SLIT2: variants seen among roughly 807,000 people sequenced by gnomAD.
SLIT2 encodes slit homolog 2 protein.
SLIT2 carries 41 observed loss-of-function variants against 185.7 expected under a neutral mutation model. The ratio of observed to expected loss-of-function variants is 0.22; its 90% CI spans 0.17 to 0.29. The LOEUF is 0.29. SLIT2 is among the 10% of genes least tolerant of loss of function. SLIT2 has a pLI of 1.00. For missense variants in SLIT2, 1,571 were observed against 1,909.0 expected (o/e 0.82, Z 3.30); for synonymous variants, 693 against 680.2 (o/e 1.02, Z -0.29).
chr4:20,403,831 C>G (rs562365693), intron 4 of SLIT2, among the ~76,000 whole-genome samples: 1 of 150,656 alleles, frequency 6.6e-6, no homozygotes, highest in South Asian at 2.1e-4. Flanking sequence ...GAGCAGTTTT[C>G]TGTTTTATAA....
chr4:20,314,513 C>T (rs1203847077), intron 4 of SLIT2, among the ~76,000 whole-genome samples: 2 of 152,076 alleles, frequency 1.3e-5, no homozygotes, highest in Non-Finnish European at 2.9e-5. Flanking sequence ...CTGTCCTTGT[C>T]GAGCTTAGTA....
At chr4:20,583,442 A>G (rs1726767985) in intron 29 of SLIT2, among the ~76,000 whole-genome samples, 1 of 152,204 alleles carries the variant, frequency 6.6e-6, no homozygotes, top group Non-Finnish European at 1.5e-5. Context: ...AAAGATAACA[A>G]GATACTAGGA....
At chr4:20,550,763 A>G in intron 24 of SLIT2, 64 bp from the exon 25 acceptor site, 1 of 969,246 alleles carries the variant, frequency 1.0e-6, no homozygotes, top group Non-Finnish European at 1.6e-6. Flanking sequence ...AAGTCTCGGA[A>G]TTTCTCTGGA....
Position 20,252,586 on chromosome 4 carries a change from G to A in SLIT2, c.-1230G>A, listed in dbSNP as rs1487499584. Among the ~76,000 whole-genome samples the A allele has an allele frequency of 6.6e-6, 1 of 152,208 alleles. No individual in the cohort carries two copies. Among genetic ancestry groups the A allele is most frequent in the Non-Finnish European group, 1.5e-5 (1 of 68,026 alleles). On this transcript the variant is annotated 5_prime_UTR_variant, in exon 1 of 37. Coordinates refer to ENST00000504154, the MANE Select transcript of SLIT2 (RefSeq NM_004787.4). ...GAACCACTAGTGGGAGACCGCCGGG[G>A]GCCGGCCGTGGCTCTGCGCCCTCCG...
intron 4 of SLIT2, among the ~76,000 whole-genome samples, chr4:20,337,414 G>T (rs1720596643): frequency 6.6e-6 from 1 of 151,640 alleles, no homozygotes; most frequent in East Asian, 1.9e-4. Flanking sequence ...ACCTCCCACT[G>T]GGTGCCTCCC....
intron 18 of SLIT2, among the ~76,000 whole-genome samples, chr4:20,536,059 A>G (rs1272204983): frequency 2.0e-5 from 3 of 152,200 alleles, no homozygotes; most frequent in Non-Finnish European, 4.4e-5. Flanking sequence ...AACACAATGT[A>G]AAGTATTTGT....
At chr4:20,613,002 A>G (rs1729355951) in intron 34 of SLIT2, among the ~76,000 whole-genome samples, 1 of 152,082 alleles carries the variant, frequency 6.6e-6, no homozygotes, top group Non-Finnish European at 1.5e-5. Context: ...GTCAAAAAAT[A>G]ACAGCTGCTG....
intron 5 of SLIT2, among the ~76,000 whole-genome samples, chr4:20,471,866 G>C (rs1263326570): frequency 6.6e-6 from 1 of 151,882 alleles, no homozygotes; most frequent in Non-Finnish European, 1.5e-5. Context: ...ACATCTCCAG[G>C]GAGGACTTCC....
At chr4:20,264,589 AGCT>A (rs1389893149) in intron 3 of SLIT2, among the ~76,000 whole-genome samples, 1 of 151,932 alleles carries the variant, frequency 6.6e-6, no homozygotes, top group African/African-American at 2.4e-5. Context: ...TCATAGACAC[AGCT>A]GGCAGATAAT....
intron 6 of SLIT2, among the ~76,000 whole-genome samples, chr4:20,485,543 C>A (rs1717136003): frequency 6.6e-6 from 1 of 152,122 alleles, no homozygotes; most frequent in Non-Finnish European, 1.5e-5. Context: ...TGCCACACAG[C>A]AGTAAACAAA....
chr4:20,422,636 C>T (rs1224850611), intron 4 of SLIT2, among the ~76,000 whole-genome samples: 1 of 152,020 alleles, frequency 6.6e-6, no homozygotes, highest in Non-Finnish European at 1.5e-5. Flanking sequence ...GCATGAGAGG[C>T]TCTTTCAGAT....
chr4:20,575,743 A>G (rs1372438551), intron 29 of SLIT2, among the ~76,000 whole-genome samples: 1 of 151,984 alleles, frequency 6.6e-6, no homozygotes, highest in African/African-American at 2.4e-5. Flanking sequence ...TCCTTATGTA[A>G]GGAAAGCTGT....
chr4:20,567,281 T>C lies in SLIT2; in HGVS notation c.2745T>C (p.Ile915=). 3 of 1,610,352 alleles carry C rather than the reference T, an allele frequency of 1.9e-6. No homozygotes were observed. The highest frequency in any genetic ancestry group is 2.5e-6 in the Non-Finnish European group (3 of 1,178,510). The stretch of plus-strand genomic sequence containing the variant: ...TTTCAGGTCCTGTGGATGTCAATAT[T>C]CTAGCTAAGTGTAACCCCTGCCTAT... The part of the protein sequence containing the change: ...FTCQGPVDVN[I]LAKCNPCLSN... Residue 915 remains isoleucine (I), a synonymous_variant, in exon 27 of 37, where the codon ATT becomes ATC. Coordinates refer to ENST00000504154, the MANE Select transcript of SLIT2 (RefSeq NM_004787.4).
At chr4:20,468,777 T>C (rs1482642939) in intron 5 of SLIT2, among the ~76,000 whole-genome samples, 1 of 151,924 alleles carries the variant, frequency 6.6e-6, no homozygotes, top group Middle Eastern at 3.2e-3. Context: ...ATTTCTTAGC[T>C]AGTAATAAAC....
At chr4:20,423,159 A>G (rs899965552) in intron 4 of SLIT2, among the ~76,000 whole-genome samples, 7 of 152,112 alleles carry the variant, frequency 4.6e-5, no homozygotes, top group Non-Finnish European at 1.0e-4. Context: ...GACTACAGCC[A>G]AAGTAAATCC....
chr4:20,435,195 C>T (rs770072909), intron 4 of SLIT2, among the ~76,000 whole-genome samples: 11 of 152,174 alleles, frequency 7.2e-5, no homozygotes, highest in Non-Finnish European at 1.6e-4. Flanking sequence ...GCTGTATGTG[C>T]AACCTTTTGC....
chr4:20,519,887 C>T (rs1162521487), intron 12 of SLIT2, among the ~76,000 whole-genome samples: 2 of 151,818 alleles, frequency 1.3e-5, no homozygotes, highest in East Asian at 1.9e-4. Flanking sequence ...AAAAATTAGC[C>T]GGGCGTGGTG....
intron 4 of SLIT2, among the ~76,000 whole-genome samples, chr4:20,415,849 G>A (rs1014040895): frequency 6.6e-6 from 1 of 152,042 alleles, no homozygotes; most frequent in Admixed American, 6.6e-5. Context: ...CATAATTTTT[G>A]TTATATTATC....
chr4:20,529,067 C>G lies in SLIT2; in HGVS notation c.1581C>G (p.Ile527Met), dbSNP rs746985495. Residue 527 changes from isoleucine to methionine, a missense_variant, in exon 16 of 37, where the codon ATC becomes ATG. Coordinates refer to ENST00000504154, the MANE Select transcript of SLIT2 (RefSeq NM_004787.4). ...GCTCTAATCAAAAGCTCAACAAAAT[C>G]CCGGAGCACATTCCCCAGTACACTG... Reference protein sequence around the residue: ...VDCSNQKLNKIPEHIPQYTAE... With the variant: ...VDCSNQKLNKMPEHIPQYTAE... 1.2e-6 allele frequency: 2 copies of G among 1,613,684 alleles called. No homozygotes were observed. The highest frequency in any genetic ancestry group is 2.7e-5 in the African/African-American group (2 of 74,880).
Sources: allele counts gnomAD v4.1 joint callset (sites outside exome capture counted in the v4.1 genomes callset), GRCh38; gene constraint gnomAD v4.1.1; transcripts MANE v1.5; gene names NCBI Gene and HGNC (gene_info 2026-07-23, HGNC 2026-07-21).